Variants in CAP2 observed in about 807,000 individuals in gnomAD.
CAP2 encodes the protein cyclase associated actin cytoskeleton regulatory protein 2, also known as adenylyl cyclase-associated protein 2.
In CAP2, 24 loss-of-function variants were observed where a neutral mutation model predicts 57.7. The observed-to-expected ratio is 0.42, with a 90% CI of 0.30 to 0.58. The LOEUF is 0.58. CAP2 is among the 20% of genes least tolerant of loss of function. CAP2 has a pLI of 0.22. For synonymous variants in CAP2, 194 were observed against 207.2 expected (o/e 0.94, Z 0.55); for missense variants, 501 against 590.3 (o/e 0.85, Z 1.57).
chr6:17,527,991 T>C (rs1762550807), intron 7 of CAP2, among the ~76,000 whole-genome samples: 1 of 152,228 alleles, frequency 6.6e-6, no homozygotes, highest in Admixed American at 6.5e-5. Context: ...AGAAAAGAAA[T>C]CACCACCTAT....
intron 4 of CAP2, among the ~76,000 whole-genome samples, chr6:17,475,401 A>T (rs1322215809): frequency 6.6e-6 from 1 of 152,226 alleles, no homozygotes; most frequent in African/African-American, 2.4e-5. Context: ...CAGCCTTGAA[A>T]GAGTATTCCT....
intron 11 of CAP2, among the ~76,000 whole-genome samples, chr6:17,547,571 G>C (rs143957968): frequency 0.012 from 1,825 of 152,306 alleles, 29 homozygotes; most frequent in African/African-American, 0.034. Context: ...ACCGGGCACG[G>C]TGGCTCACGC....
intron 4 of CAP2, among the ~76,000 whole-genome samples, chr6:17,482,054 G>A (rs1761300337): frequency 6.6e-6 from 1 of 152,112 alleles, no homozygotes. Flanking sequence ...TAAATTTTCT[G>A]TTATCTCTGT....
chr6:17,432,256 A>AT lies in CAP2; in HGVS notation c.222+5570dup, dbSNP rs368795555. On this transcript the variant is annotated intron_variant, in intron 3 of 12. Coordinates refer to ENST00000229922, the MANE Select transcript of CAP2 (RefSeq NM_006366.3). ...AAATATTTATGGATCACCTGTACTCATTTTAAAAGTGACCATTTACATGTT... is the reference window on the plus strand; with the variant it reads ...AAATATTTATGGATCACCTGTACTCATTTTTAAAAGTGACCATTTACATGTT... 2.0e-3 allele frequency among the ~76,000 whole-genome samples: 298 copies of AT among 152,226 alleles called. 1 individual carries two copies. The highest frequency in any genetic ancestry group is 6.4e-3 in the African/African-American group (264 of 41,538).
At chr6:17,516,816 T>C (rs550906241) in intron 7 of CAP2, among the ~76,000 whole-genome samples, 1 of 152,320 alleles carries the variant, frequency 6.6e-6, no homozygotes, top group East Asian at 1.9e-4. Context: ...TCTACATTTG[T>C]TTTCCAACAC....
rs1311022838 is a variant in CAP2, at chr6:17,556,486, AAAC to A, written c.*47_*49del. The A allele has an allele frequency of 7.3e-7, 1 of 1,361,602 alleles. No homozygotes were observed. Among genetic ancestry groups the A allele is most frequent in the African/African-American group, 1.4e-5 (1 of 69,972 alleles). 84.3% of individuals were successfully genotyped at this position (1,361,602 alleles called of 1,614,324 possible). On this transcript the variant is annotated 3_prime_UTR_variant, in exon 13 of 13. Coordinates refer to ENST00000229922, the MANE Select transcript of CAP2 (RefSeq NM_006366.3). ...CCCCTCACCTGAATCCCCCTCTATC[AAAC>A]AAACAAAAAAGCAGCAGTAAAGAGC...
chr6:17,526,921 C>T (rs1363839945), intron 7 of CAP2, among the ~76,000 whole-genome samples: 1 of 137,742 alleles, frequency 7.3e-6, no homozygotes, highest in African/African-American at 2.7e-5. Context: ...CATGCTACTG[C>T]ACTCCAGCCT....
intron 7 of CAP2, among the ~76,000 whole-genome samples, chr6:17,533,727 C>G (rs1478957487): frequency 6.6e-6 from 1 of 151,938 alleles, no homozygotes. Context: ...TGCACCATGC[C>G]GAGCTAATTT....
At chr6:17,461,186 A>C (rs1487131073) in intron 3 of CAP2, among the ~76,000 whole-genome samples, 1 of 134,848 alleles carries the variant, frequency 7.4e-6, no homozygotes, top group African/African-American at 3.8e-5. Context: ...CAAACAAAAC[A>C]ACAAAAAAAA....
intron 4 of CAP2, among the ~76,000 whole-genome samples, chr6:17,467,550 AT>A (rs1477137386): frequency 6.6e-6 from 1 of 152,008 alleles, no homozygotes; most frequent in African/African-American, 2.4e-5. Flanking sequence ...TTGGGACGGA[AT>A]CTTGCTCTGT....
chr6:17,539,254 C>T lies in CAP2; in HGVS notation c.637-15C>T. The T allele has an allele frequency of 1.3e-6, 2 of 1,598,296 alleles. No homozygotes were observed. Among genetic ancestry groups the T allele is most frequent in the African/African-American group, 1.3e-5 (1 of 74,330 alleles). ...GTCTCAATGCAATGCAATGCCCTGT[C>T]TTCTGTCTTCTCAGGGTCCTGTAGC... On this transcript the variant is annotated splice_polypyrimidine_tract_variant and intron_variant, in intron 7 of 12. Transcript: ENST00000229922.
chr6:17,486,850 G>T (rs1483450494), intron 4 of CAP2, among the ~76,000 whole-genome samples: 1 of 152,126 alleles, frequency 6.6e-6, no homozygotes, highest in African/African-American at 2.4e-5. Flanking sequence ...CTGTGGACAT[G>T]CCAGGATATC....
chr6:17,539,412 C>T lies in CAP2; in HGVS notation c.780C>T (p.Arg260=). 6.2e-7 allele frequency: 1 copy of T among 1,614,200 alleles called. No homozygotes were observed. Among genetic ancestry groups the T allele is most frequent in the Non-Finnish European group, 8.5e-7 (1 of 1,180,030 alleles). ...EGKKEESSPS[R]SALFAQLNQG... ...AAAAAGAGGAATCTTCTCCTTCACG[C>T]TCAGCTTTATTTGCCCAACTTAACC... Residue 260 remains arginine, a synonymous_variant, in exon 8 of 13, where the codon CGC becomes CGT. Transcript: ENST00000229922.
rs1761661370 is a variant in CAP2, at chr6:17,496,034, G to GGGT, written c.301-11133_301-11132insTGG. 3.4e-5 allele frequency among the ~76,000 whole-genome samples: 4 copies of GGGT among 117,186 alleles called. 1 individual carries two copies. Among genetic ancestry groups the GGGT allele is most frequent in the Non-Finnish European group, 6.4e-5 (4 of 62,310 alleles). The allele number at this position is 117,186 out of a possible 152,430, so 76.9% of individuals were successfully genotyped here. On this transcript the variant is annotated intron_variant, in intron 4 of 12. Coordinates refer to ENST00000229922, the MANE Select transcript of CAP2 (RefSeq NM_006366.3). ...TGTGCATGCGTGTGTGGGTGGGGGG[G>GGGT]GGGGGTAAGTCAGGGAAAACAGGCT...
rs1253975881 is a variant in CAP2, at chr6:17,462,998, A to G, written c.225A>G (p.Ala75=). 1 of 1,613,934 alleles carries G rather than the reference A, an allele frequency of 6.2e-7. No individual in the cohort carries two copies. The highest frequency in any genetic ancestry group is 8.5e-7 in the Non-Finnish European group (1 of 1,179,786). Residue 75 remains alanine, a splice_region_variant and synonymous_variant, in exon 4 of 13, where the codon GCA becomes GCG. Coordinates refer to ENST00000229922, the MANE Select transcript of CAP2 (RefSeq NM_006366.3). The part of the protein sequence containing the change: ...RILAGDVETH[A]EMVHSAFQAQ... ...GCCATCTTCCTCTTTGTTCCCAGGC[A>G]GAAATGGTGCACAGTGCTTTCCAGG...
rs2113717068 is a variant in CAP2 at position 17,556,668 on chromosome 6, T to C, written c.*226T>C. On this transcript the variant is annotated 3_prime_UTR_variant, in exon 13 of 13. Coordinates refer to ENST00000229922, the MANE Select transcript of CAP2 (RefSeq NM_006366.3). ...TGTGTGTGATTTTAGTTCCACATGA[T>C]GACTTGTGAACATTAGGGATTTAAA... 1.9e-6 allele frequency: 1 copy of C among 523,554 alleles called. No homozygotes were observed. The highest frequency in any genetic ancestry group is 3.1e-5 in the South Asian group (1 of 32,346). 32.4% of individuals were successfully genotyped at this position (523,554 alleles called of 1,614,324 possible). A position where few individuals can be genotyped will look rare whatever the true frequency, so the allele number is the denominator to read the frequency against.
intron 4 of CAP2, among the ~76,000 whole-genome samples, chr6:17,474,299 A>T (rs1253284931): frequency 7.0e-5 from 9 of 128,848 alleles, no homozygotes; most frequent in Non-Finnish European, 1.1e-4. Flanking sequence ...CTTGTTTGAT[A>T]TTTTTTTCCC....
At chr6:17,424,629 A>T (rs142331819) in intron 2 of CAP2, among the ~76,000 whole-genome samples, 2 of 152,336 alleles carry the variant, frequency 1.3e-5, no homozygotes, top group African/African-American at 4.8e-5. Context: ...AAGATGAATT[A>T]TACACAGTCC....
At chr6:17,425,957 C>T (rs555939517) in intron 2 of CAP2, among the ~76,000 whole-genome samples, 20 of 151,854 alleles carry the variant, frequency 1.3e-4, no homozygotes, top group African/African-American at 3.6e-4. Context: ...TAACAGAGCA[C>T]GGTGGCACGC....
Sources: gnomAD v4.1 joint callset for allele counts (sites outside exome capture counted in the v4.1 genomes callset) on GRCh38, gnomAD v4.1.1 for gene constraint, MANE v1.5 for transcripts, NCBI Gene and HGNC (gene_info 2026-07-23, HGNC 2026-07-21) for gene names.